The following CSMD1 variants were observed in gnomAD, a reference collection of about 807,000 sequenced individuals.
CSMD1 encodes CUB and Sushi multiple domains 1.
Under a neutral mutation model 417.5 loss-of-function variants are expected in CSMD1, and 213 were observed. That is an observed-to-expected ratio of 0.51 (90% CI 0.46 to 0.57). The LOEUF (loss-of-function observed/expected upper bound fraction) is 0.57. Among genes scored for constraint, CSMD1 ranks in the 20% least tolerant of loss-of-function variants. CSMD1 has a pLI of 0.00. For synonymous variants in CSMD1, 2,862 were observed against 1,736.8 expected (o/e 1.65, Z -16.11); for missense variants, 6,923 against 4,529.7 (o/e 1.53, Z -15.17).
intron 12 of CSMD1, among the ~76,000 whole-genome samples, chr8:3,442,681 C>T (rs1447457332): frequency 6.6e-6 from 1 of 152,180 alleles, no homozygotes; most frequent in African/African-American, 2.4e-5. Flanking sequence ...CAACACATCT[C>T]AGAACGTATC....
intron 51 of CSMD1, among the ~76,000 whole-genome samples, chr8:3,026,564 C>T (rs1809945336): frequency 2.0e-5 from 3 of 151,730 alleles, no homozygotes. Context: ...CTTCACTGGA[C>T]CTCACCGGAC....
chr8:3,754,212 C>G (rs992517057), intron 5 of CSMD1, among the ~76,000 whole-genome samples, 170 bp from the exon 6 acceptor site: 3 of 152,130 alleles, frequency 2.0e-5, no homozygotes, highest in Non-Finnish European at 2.9e-5. Flanking sequence ...ATGATTTTAT[C>G]TTTGCCCAAA....
chr8:3,192,917 G>C (rs1223172882), intron 33 of CSMD1, among the ~76,000 whole-genome samples: 2 of 146,288 alleles, frequency 1.4e-5, no homozygotes, highest in African/African-American at 2.5e-5. Flanking sequence ...TATTTTATTA[G>C]AGTTGAATAA....
intron 30 of CSMD1, among the ~76,000 whole-genome samples, chr8:3,210,652 A>G (rs1797552536): frequency 6.7e-6 from 1 of 148,710 alleles, no homozygotes. Flanking sequence ...TATACACTTT[A>G]TATATAATTA....
chr8:3,719,882 A>G (rs967178735), intron 6 of CSMD1, among the ~76,000 whole-genome samples: 1 of 152,070 alleles, frequency 6.6e-6, no homozygotes, highest in African/African-American at 2.4e-5. Context: ...TTGTTCTGGA[A>G]CTCATTAGAG....
intron 10 of CSMD1, among the ~76,000 whole-genome samples, chr8:3,500,287 G>A (rs940139864): frequency 6.6e-6 from 1 of 152,068 alleles, no homozygotes; most frequent in Non-Finnish European, 1.5e-5. Flanking sequence ...GAAAGTGCTG[G>A]GCACTCTAGC....
At chr8:4,900,811 T>C (rs555180339) in intron 1 of CSMD1, among the ~76,000 whole-genome samples, 7 of 152,328 alleles carry the variant, frequency 4.6e-5, no homozygotes, top group African/African-American at 4.8e-5. Flanking sequence ...GGCCAAACTA[T>C]GACACATGAA....
intron 1 of CSMD1, among the ~76,000 whole-genome samples, chr8:4,650,211 G>A (rs1278649417): frequency 1.3e-5 from 2 of 151,844 alleles, no homozygotes; most frequent in Non-Finnish European, 2.9e-5. Flanking sequence ...CGGGTGTGGT[G>A]GCGGGCGCCT....
chr8:3,656,999 G>C (rs1300297206), intron 7 of CSMD1, among the ~76,000 whole-genome samples: 1 of 152,028 alleles, frequency 6.6e-6, no homozygotes, highest in Non-Finnish European at 1.5e-5. Context: ...ATGGGGATGT[G>C]ACCCACTCAT....
At chr8:4,404,642 T>C (rs1482067788) in intron 3 of CSMD1, among the ~76,000 whole-genome samples, 1 of 152,188 alleles carries the variant, frequency 6.6e-6, no homozygotes, top group Non-Finnish European at 1.5e-5. Context: ...TGTGAATTTA[T>C]ATTAAATCCA....
At chr8:4,318,912 G>C (rs1448879628) in intron 3 of CSMD1, among the ~76,000 whole-genome samples, 1 of 152,286 alleles carries the variant, frequency 6.6e-6, no homozygotes, top group African/African-American at 2.4e-5. Flanking sequence ...ACTTTAGTCA[G>C]AAGTGGGTTT....
chr8:3,768,729 G>A (rs745469003), intron 5 of CSMD1, among the ~76,000 whole-genome samples: 5 of 152,232 alleles, frequency 3.3e-5, no homozygotes, highest in East Asian at 3.9e-4. Flanking sequence ...TTATTAACAC[G>A]CAAACCAAAC....
At chr8:3,725,822 T>G (rs1169018304) in intron 6 of CSMD1, among the ~76,000 whole-genome samples, 1 of 152,168 alleles carries the variant, frequency 6.6e-6, no homozygotes, top group Non-Finnish European at 1.5e-5. Context: ...TGTGACTCAG[T>G]ATCTCAACCC....
chr8:3,688,571 C>T (rs1457692939), intron 7 of CSMD1, among the ~76,000 whole-genome samples: 1 of 152,092 alleles, frequency 6.6e-6, no homozygotes, highest in Non-Finnish European at 1.5e-5. Context: ...TAAATGTTAG[C>T]AATGCTCATA....
intron 5 of CSMD1, among the ~76,000 whole-genome samples, chr8:3,855,919 C>A (rs565891793): frequency 2.0e-5 from 3 of 152,202 alleles, no homozygotes; most frequent in South Asian, 4.1e-4. Context: ...CAAATCTGTA[C>A]GGGTGAGATA....
chr8:3,449,438 C>G (rs770853692), intron 12 of CSMD1, among the ~76,000 whole-genome samples: 4 of 152,010 alleles, frequency 2.6e-5, no homozygotes, highest in Non-Finnish European at 5.9e-5. Context: ...TAAGGATGTC[C>G]TGGACTCGGA....
At chr8:4,968,521 C>A (rs961902158) in intron 1 of CSMD1, among the ~76,000 whole-genome samples, 4 of 152,182 alleles carry the variant, frequency 2.6e-5, no homozygotes, top group Middle Eastern at 3.4e-3. Context: ...TAATTTCCAC[C>A]TGCACTACTA....
chr8:3,296,896 A>T (rs186087389), intron 25 of CSMD1, among the ~76,000 whole-genome samples: 68 of 152,306 alleles, frequency 4.5e-4, no homozygotes, highest in African/African-American at 1.4e-3. Context: ...AGGGGTATGT[A>T]GGTAGCTGTT....
intron 1 of CSMD1, among the ~76,000 whole-genome samples, chr8:4,676,138 G>C (rs1805667631): frequency 6.6e-6 from 1 of 152,152 alleles, no homozygotes; most frequent in African/African-American, 2.4e-5. Context: ...AAGATGTTTT[G>C]TCATATAAAC....
Sources: allele counts gnomAD v4.1 joint callset (sites outside exome capture counted in the v4.1 genomes callset), GRCh38; gene constraint gnomAD v4.1.1; transcripts MANE v1.5; gene names NCBI Gene and HGNC (gene_info 2026-07-23, HGNC 2026-07-21).